Variants in TSHZ3 observed in about 807,000 individuals in gnomAD.
TSHZ3 encodes the protein teashirt zinc finger homeobox 3.
TSHZ3 carries 10 observed loss-of-function variants against 64.5 expected under a neutral mutation model. That is an observed-to-expected ratio of 0.16 (90% CI 0.10 to 0.26). TSHZ3 has a LOEUF of 0.26. TSHZ3 is among the 10% of genes least tolerant of loss of function. The pLI is 1.00. For synonymous variants in TSHZ3, 608 were observed against 593.1 expected, an observed-to-expected ratio of 1.03 and a Z score of -0.36; for missense variants, 1,242 against 1,421.7, an observed-to-expected ratio of 0.87 and a Z score of 2.03.
intron 5 of TSHZ3, among the ~76,000 whole-genome samples, chr19:31,190,242 T>C (rs1974881626): frequency 6.6e-6 from 1 of 151,464 alleles, no homozygotes; most frequent in Admixed American, 6.6e-5. Flanking sequence ...TTCCCTGGAG[T>C]TTTTGGCAGA....
In TSHZ3 at chr19:31,265,349, G is replaced by A. The variant is rs1313901377; in HGVS notation, n.64-22474C>T. On this transcript the variant is annotated intron_variant and non_coding_transcript_variant, in intron 1 of 6. Transcript: ENST00000651361. ...GAGGCGGAGGTTGCAGTGAGCCAAA[G>A]TTGCGCCATTGCACTCCAGCCTGGG... is the stretch of plus-strand genomic sequence containing the variant. 4.1e-5 allele frequency among the ~76,000 whole-genome samples: 5 copies of A among 122,922 alleles called. No individual in the cohort carries two copies. In the East Asian group the frequency reaches 1.4e-3, roughly 34 times the overall value. 80.6% of individuals were successfully genotyped at this position (122,922 alleles called of 152,430 possible).
At position 31,278,046 on chromosome 19, in the gene TSHZ3, C is replaced by T. The variant is rs202206193; in HGVS notation, c.1747G>A (p.Val583Ile). 2.0e-5 allele frequency: 33 copies of T among 1,613,364 alleles called. No individual in the cohort carries two copies. Among genetic ancestry groups the T allele is most frequent in the Non-Finnish European group, 2.0e-5 (23 of 1,179,350 alleles). Residue 583 changes from valine to isoleucine, a missense_variant, in exon 2 of 2, where the codon GTC becomes ATC. By Grantham distance (29) the Val-to-Ile change is conservative. Coordinates refer to ENST00000240587, the MANE Select transcript of TSHZ3 (RefSeq NM_020856.4). The surrounding 1 kb of genome is among the most constrained non-coding windows in gnomAD (Gnocchi z 4.7). ...LKPMFGNSEI[V>I]SPTKNQTLVS... The stretch of plus-strand genomic sequence containing the variant: ...AGGGTCTGGTTTTTCGTCGGGGAGA[C>T]AATCTCACTGTTGCCAAACATGGGT...
At chr19:31,273,026 C>T (rs1976166558), downstream of TSHZ3, among the ~76,000 whole-genome samples, 2 of 152,304 alleles carry the variant, frequency 1.3e-5, no homozygotes, top group South Asian at 2.1e-4. Flanking sequence ...TTTACAACTT[C>T]CTGTCTTATC....
At chr19:31,344,776 G>A (rs1161486778) in intron 1 of TSHZ3, among the ~76,000 whole-genome samples, 2 of 152,226 alleles carry the variant, frequency 1.3e-5, no homozygotes, top group African/African-American at 4.8e-5. Flanking sequence ...CAACTCACCT[G>A]GGTTTCACGG....
chr19:31,249,669 G>A (rs187307976), intron 1 of TSHZ3, among the ~76,000 whole-genome samples: 2 of 152,240 alleles, frequency 1.3e-5, no homozygotes, highest in South Asian at 2.1e-4. Context: ...ATACGCCTCC[G>A]CTGAGACCTG....
upstream of TSHZ3, chr19:31,349,473 C>CG (rs993318755): frequency 3.4e-5 from 10 of 297,562 alleles, no homozygotes; most frequent in East Asian, 5.7e-5. Flanking sequence ...GGGAGGAGCA[C>CG]GGGGGGGAGG....
chr19:31,169,052 C>G (rs1974497959), intron 5 of TSHZ3, among the ~76,000 whole-genome samples: 1 of 151,664 alleles, frequency 6.6e-6, no homozygotes, highest in Admixed American at 6.6e-5. Flanking sequence ...AATGGGAGAA[C>G]CACAGGGCTG....
chr19:31,239,185 T>A (rs1975658817), intron 3 of TSHZ3, among the ~76,000 whole-genome samples: 2 of 152,174 alleles, frequency 1.3e-5, no homozygotes, highest in Admixed American at 6.5e-5. Flanking sequence ...ATGATTTTTT[T>A]ACCTCCTTAT....
At chr19:31,349,032 C>A (rs1181184426) in intron 1 of TSHZ3, 148 bp downstream of exon 1, 2 of 977,168 alleles carry the variant, frequency 2.0e-6, no homozygotes, top group Middle Eastern at 3.4e-4. Flanking sequence ...CCGAGGCGGG[C>A]GCACGCACCC....
At chr19:31,194,525 G>C (rs1265284956) in intron 5 of TSHZ3, among the ~76,000 whole-genome samples, 5 of 152,166 alleles carry the variant, frequency 3.3e-5, no homozygotes, top group African/African-American at 4.8e-5. Flanking sequence ...CACTTGAGAA[G>C]TTCACAGTCC....
At chr19:31,317,041 G>A (rs1249977773) in intron 1 of TSHZ3, among the ~76,000 whole-genome samples, 2 of 152,146 alleles carry the variant, frequency 1.3e-5, no homozygotes, top group Non-Finnish European at 2.9e-5. Context: ...ATTTGCAGAG[G>A]AATTACAACA....
intron 1 of TSHZ3, among the ~76,000 whole-genome samples, chr19:31,307,940 A>G (rs1379590346): frequency 6.6e-6 from 1 of 152,202 alleles, no homozygotes; most frequent in African/African-American, 2.4e-5. Context: ...TAAAGGGGCC[A>G]CCCCAGCTAT....
intron 4 of TSHZ3, among the ~76,000 whole-genome samples, chr19:31,225,364 C>A (rs916791886): frequency 6.6e-6 from 1 of 152,162 alleles, no homozygotes; most frequent in Non-Finnish European, 1.5e-5. Context: ...TTGGCAGAGA[C>A]GCTGCAATCC....
Position 31,277,402 on chromosome 19 carries a change from A to C in TSHZ3, c.2391T>G (p.Ser797Arg). ...CTGAACCCAAGGAGCAGCCTTTGTCACTCTTCCCTTTTGTCAAGTCTATGG... is the reference window on the plus strand; with the variant it reads ...CTGAACCCAAGGAGCAGCCTTTGTCCCTCTTCCCTTTTGTCAAGTCTATGG... ...DQPIDLTKGK[S>R]DKGCSLGSVL... The change falls in exon 2 of 2, where the codon AGT (serine) becomes AGG (arginine). Residue 797 changes from serine to arginine, a missense_variant. By Grantham distance (110) the Ser-to-Arg change is moderately radical. This residue lies in a region of TSHZ3 where 550 missense variants were observed against 545.1 expected (regional missense o/e 1.01). Transcript: ENST00000240587. This position sits in a 1 kb window ranked among gnomAD's most constrained non-coding sequence, Gnocchi z 4.5. 1 of 1,612,914 alleles carries C rather than the reference A, an allele frequency of 6.2e-7. No individual in the cohort carries two copies. The highest frequency in any genetic ancestry group is 1.1e-5 in the South Asian group (1 of 91,034).
intron 1 of TSHZ3, among the ~76,000 whole-genome samples, chr19:31,342,031 CT>C (rs1191930226): frequency 6.6e-6 from 1 of 152,178 alleles, no homozygotes; most frequent in Non-Finnish European, 1.5e-5. Context: ...ATAAACCAGA[CT>C]TGATGAGAAG....
chr19:31,230,486 T>A (rs1382706276), intron 3 of TSHZ3, among the ~76,000 whole-genome samples: 1 of 152,060 alleles, frequency 6.6e-6, no homozygotes, highest in Non-Finnish European at 1.5e-5. Context: ...AACATTAACT[T>A]TTATTTAAAT....
chr19:31,267,266 T>G (rs947586963), intron 1 of TSHZ3, among the ~76,000 whole-genome samples: 8 of 151,972 alleles, frequency 5.3e-5, no homozygotes, highest in African/African-American at 1.9e-4. Flanking sequence ...AGATGAGAGC[T>G]CACCCTTGCC....
chr19:31,169,288 T>C (rs1326866018), intron 5 of TSHZ3, among the ~76,000 whole-genome samples: 3 of 152,256 alleles, frequency 2.0e-5, no homozygotes, highest in African/African-American at 7.2e-5. Flanking sequence ...ATTGGGTCTA[T>C]ACCCTGAAGA....
At chr19:31,180,660 C>CA (rs1382473515) in intron 5 of TSHZ3, among the ~76,000 whole-genome samples, 4 of 152,152 alleles carry the variant, frequency 2.6e-5, no homozygotes, top group South Asian at 2.1e-4. Flanking sequence ...ATTTTGGTCC[C>CA]AAAAAATGTT....
Sources: allele counts gnomAD v4.1 joint callset (sites outside exome capture counted in the v4.1 genomes callset), GRCh38; gene constraint gnomAD v4.1.1; regional missense constraint gnomAD v4.1.1; non-coding constraint Gnocchi (gnomAD v3.1); transcripts MANE v1.5; gene names NCBI Gene and HGNC (gene_info 2026-07-23, HGNC 2026-07-21).